Variants in PTPRD observed in about 807,000 individuals in gnomAD.
PTPRD encodes protein tyrosine phosphatase receptor type D.
A neutral mutation model predicts 214.5 loss-of-function variants in PTPRD; 34 were observed. That is an observed-to-expected ratio of 0.16 (90% CI 0.12 to 0.21). The LOEUF (loss-of-function observed/expected upper bound fraction) is 0.21, where lower values mean the gene tolerates loss of function less well. Among genes scored for constraint, PTPRD ranks in the 10% least tolerant of loss-of-function variants. The pLI, the probability that PTPRD is intolerant of heterozygous loss-of-function variation, is 1.00. For missense variants in PTPRD, 2,545 were observed against 2,398.7 expected (o/e 1.06, Z -1.27); for synonymous variants, 1,128 against 845.7 (o/e 1.33, Z -5.79).
intron 14 of PTPRD, among the ~76,000 whole-genome samples, chr9:8,609,377 T>G (rs1267804536): frequency 3.3e-5 from 5 of 152,240 alleles, no homozygotes; most frequent in African/African-American, 1.2e-4. Context: ...AGGCTCTGTT[T>G]CATGTTTTGT....
chr9:9,151,697 T>C (rs1265661423), intron 10 of PTPRD, among the ~76,000 whole-genome samples: 3 of 152,214 alleles, frequency 2.0e-5, no homozygotes, highest in Admixed American at 2.0e-4. Flanking sequence ...CGGTTGTTGA[T>C]GAGACAGGTT....
intron 8 of PTPRD, among the ~76,000 whole-genome samples, chr9:9,441,187 A>ACGACAAGACTCCAGGCAGCTGAG (rs1353189660): frequency 1.3e-5 from 2 of 152,132 alleles, no homozygotes; most frequent in Admixed American, 6.5e-5. Context: ...GCACTACCTG[A>ACGACAAGACTCCAGGCAGCTGAG]CGACAAGACT....
intron 11 of PTPRD, among the ~76,000 whole-genome samples, chr9:9,006,810 T>C (rs539328486): frequency 4.6e-5 from 7 of 152,180 alleles, no homozygotes; most frequent in African/African-American, 1.7e-4. Flanking sequence ...TCTTTTTTTA[T>C]AGTATGGAAA....
intron 9 of PTPRD, among the ~76,000 whole-genome samples, chr9:9,303,696 G>A (rs1028461333): frequency 3.9e-5 from 6 of 152,044 alleles, no homozygotes; most frequent in African/African-American, 1.4e-4. Context: ...AAATTTGGAA[G>A]TGCACATCCA....
intron 10 of PTPRD, among the ~76,000 whole-genome samples, chr9:9,035,807 G>C (rs910505088): frequency 3.3e-5 from 5 of 151,848 alleles, no homozygotes; most frequent in African/African-American, 1.2e-4. Flanking sequence ...TAATGCACAT[G>C]ACAGTCTGGT....
At chr9:9,206,181 T>C (rs1430368405) in intron 9 of PTPRD, among the ~76,000 whole-genome samples, 2 of 152,100 alleles carry the variant, frequency 1.3e-5, no homozygotes, top group Admixed American at 6.5e-5. Flanking sequence ...CCAGTGTTGC[T>C]GGGGCTGAGT....
chr9:10,447,764 T>G (rs1302259767), intron 2 of PTPRD, among the ~76,000 whole-genome samples: 1 of 151,966 alleles, frequency 6.6e-6, no homozygotes, highest in Non-Finnish European at 1.5e-5. Context: ...AGTAAGAAGG[T>G]CAGACTTCAG....
At chr9:9,856,624 A>AG (rs397830243) in intron 5 of PTPRD, among the ~76,000 whole-genome samples, 1 of 146,188 alleles carries the variant, frequency 6.8e-6, no homozygotes. Flanking sequence ...TTAAAAAAAA[A>AG]GAAGAAAATT....
At chr9:9,383,262 T>TC (rs1211554642) in intron 9 of PTPRD, among the ~76,000 whole-genome samples, 1 of 152,102 alleles carries the variant, frequency 6.6e-6, no homozygotes, top group East Asian at 1.9e-4. Flanking sequence ...TCCTATTTTT[T>TC]CTCATACTAT....
chr9:9,590,825 T>C (rs1342348187), intron 7 of PTPRD, among the ~76,000 whole-genome samples: 1 of 152,042 alleles, frequency 6.6e-6, no homozygotes, highest in Non-Finnish European at 1.5e-5. Context: ...GAAAGTCCCT[T>C]AGAGGTTAAT....
intron 10 of PTPRD, among the ~76,000 whole-genome samples, chr9:9,145,855 T>TGGAAACCTGCAAC (rs1312245323): frequency 2.6e-5 from 4 of 152,134 alleles, no homozygotes; most frequent in Non-Finnish European, 2.9e-5. Flanking sequence ...TACCTGACAA[T>TGGAAACCTGCAAC]GGAAACCTGC....
At chr9:8,671,101 T>C (rs1344151771) in intron 12 of PTPRD, among the ~76,000 whole-genome samples, 2 of 152,002 alleles carry the variant, frequency 1.3e-5, no homozygotes, top group African/African-American at 2.4e-5. Flanking sequence ...TTGGAGAGTA[T>C]CAGCTTGAAA....
intron 5 of PTPRD, among the ~76,000 whole-genome samples, chr9:9,842,474 A>C (rs981175875): frequency 6.6e-6 from 1 of 152,002 alleles, no homozygotes; most frequent in Middle Eastern, 3.4e-3. Flanking sequence ...AGTGGGCTTT[A>C]AGAAATAAAT....
At chr9:8,686,551 G>C (rs1461911493) in intron 12 of PTPRD, among the ~76,000 whole-genome samples, 1 of 152,100 alleles carries the variant, frequency 6.6e-6, no homozygotes. Context: ...CATAAAGTAG[G>C]TAATAGCTCC....
At chr9:10,249,630 T>A (rs1183085798) in intron 3 of PTPRD, among the ~76,000 whole-genome samples, 1 of 152,200 alleles carries the variant, frequency 6.6e-6, no homozygotes, top group Non-Finnish European at 1.5e-5. Flanking sequence ...AAAATTTTAT[T>A]GCATTTTTTC....
At chr9:9,089,087 A>G (rs137959315) in intron 10 of PTPRD, among the ~76,000 whole-genome samples, 269 of 152,288 alleles carry the variant, frequency 1.8e-3, no homozygotes, top group Non-Finnish European at 3.3e-3. Flanking sequence ...ACTTGCTAAA[A>G]AAGTCAACAA....
intron 14 of PTPRD, among the ~76,000 whole-genome samples, chr9:8,552,102 G>C (rs2082279715): frequency 6.6e-6 from 1 of 152,016 alleles, no homozygotes; most frequent in Admixed American, 6.6e-5. Flanking sequence ...CCATCACCTT[G>C]CTTTTTTCAG....
intron 21 of PTPRD, among the ~76,000 whole-genome samples, chr9:8,511,959 G>C (rs1395737396): frequency 6.6e-6 from 1 of 152,052 alleles, no homozygotes; most frequent in Non-Finnish European, 1.5e-5. Flanking sequence ...CACATTATCA[G>C]ATGCTGATAT....
chr9:9,099,200 G>A (rs994135544), intron 10 of PTPRD, among the ~76,000 whole-genome samples: 1 of 152,172 alleles, frequency 6.6e-6, no homozygotes, highest in African/African-American at 2.4e-5. Flanking sequence ...AACAGGTGAT[G>A]GGAGAGGTAA....
Sources: gnomAD v4.1 joint callset for allele counts (sites outside exome capture counted in the v4.1 genomes callset) on GRCh38, gnomAD v4.1.1 for gene constraint, MANE v1.5 for transcripts, NCBI Gene and HGNC (gene_info 2026-07-23, HGNC 2026-07-21) for gene names.